The following CNTNAP2 variants were observed in gnomAD, a reference collection of about 807,000 sequenced individuals.
CNTNAP2 encodes contactin-associated protein-like 2.
Under a neutral mutation model 155.2 loss-of-function variants are expected in CNTNAP2, and 98 were observed. The ratio of observed to expected loss-of-function variants is 0.63; its 90% CI spans 0.54 to 0.75. The LOEUF (loss-of-function observed/expected upper bound fraction) is 0.75, where lower values mean the gene tolerates loss of function less well. CNTNAP2 is among the 30% of genes least tolerant of loss of function. The probability of loss-of-function intolerance (pLI) is 0.00; values close to 1 mark genes in which losing one functional copy is unlikely to be tolerated. For synonymous variants in CNTNAP2, 651 were observed against 631.2 expected, an observed-to-expected ratio of 1.03 and a Z score of -0.47; for missense variants, 1,727 against 1,688.1, an observed-to-expected ratio of 1.02 and a Z score of -0.40.
intron 8 of CNTNAP2, among the ~76,000 whole-genome samples, chr7:147,260,806 G>A (rs888191702): frequency 6.6e-5 from 10 of 152,122 alleles, no homozygotes; most frequent in African/African-American, 1.4e-4. Flanking sequence ...TTATGGACGC[G>A]GAAATTCAAT....
intron 10 of CNTNAP2, among the ~76,000 whole-genome samples, chr7:147,413,023 T>A (rs762105536): frequency 5.5e-4 from 84 of 152,232 alleles, no homozygotes; most frequent in Non-Finnish European, 1.0e-3. Flanking sequence ...GAATGGAAAC[T>A]CGTGTCAACT....
In CNTNAP2 at chr7:147,801,100, A is replaced by G. The variant is rs548621000; in HGVS notation, c.2099-102465A>G. Among the ~76,000 whole-genome samples the G allele has an allele frequency of 1.3e-5, 2 of 152,336 alleles. 1 individual carries two copies. The highest frequency in any genetic ancestry group is 4.1e-4 in the South Asian group (2 of 4,828). ...CTGGAAAACAAAATATTTCGTACAA[A>G]GCCTGGGATGTGTGCTCTGTTTATT... On this transcript the variant is annotated intron_variant, in intron 13 of 23. Transcript: ENST00000361727.
chr7:146,402,359 A>G (rs557675144), intron 1 of CNTNAP2, among the ~76,000 whole-genome samples: 1 of 152,232 alleles, frequency 6.6e-6, no homozygotes, highest in Admixed American at 6.5e-5. Context: ...ATTTTTCTCA[A>G]TACAAAAGAG....
intron 21 of CNTNAP2, among the ~76,000 whole-genome samples, chr7:148,338,956 A>G (rs925297809): frequency 1.3e-5 from 2 of 152,230 alleles, no homozygotes; most frequent in Non-Finnish European, 2.9e-5. Flanking sequence ...GAACCCCGAC[A>G]GGAAAATCAG....
At chr7:147,676,863 T>C (rs1203373410) in intron 13 of CNTNAP2, among the ~76,000 whole-genome samples, 1 of 151,978 alleles carries the variant, frequency 6.6e-6, no homozygotes, top group African/African-American at 2.4e-5. Flanking sequence ...CATGGCTGAA[T>C]ATAGTATTCC....
intron 13 of CNTNAP2, among the ~76,000 whole-genome samples, chr7:147,674,480 T>A (rs1795837283): frequency 6.6e-6 from 1 of 152,180 alleles, no homozygotes; most frequent in African/African-American, 2.4e-5. Context: ...CTTTTCCTTA[T>A]AAAGAAAGCT....
chr7:148,168,719 AAAG>A (rs1215278815), intron 17 of CNTNAP2, among the ~76,000 whole-genome samples: 1 of 152,214 alleles, frequency 6.6e-6, no homozygotes. Context: ...TAATTTAAAA[AAAG>A]AAAAATATCT....
At chr7:147,731,744 A>T (rs2116467372) in intron 13 of CNTNAP2, among the ~76,000 whole-genome samples, 1 of 152,134 alleles carries the variant, frequency 6.6e-6, no homozygotes, top group East Asian at 1.9e-4. Context: ...TAAATTTTGA[A>T]ACTACTGGAA....
chr7:147,609,384 A>C (rs1191931249), intron 12 of CNTNAP2, among the ~76,000 whole-genome samples: 2 of 152,116 alleles, frequency 1.3e-5, no homozygotes, highest in African/African-American at 2.4e-5. Context: ...ACAAAAAATT[A>C]GCCAGGCATG....
chr7:147,606,262 A>G (rs1801061717), intron 12 of CNTNAP2, among the ~76,000 whole-genome samples: 1 of 152,200 alleles, frequency 6.6e-6, no homozygotes, highest in Non-Finnish European at 1.5e-5. Context: ...TAAATGAATC[A>G]CCTTAGTGTT....
At chr7:146,537,703 G>A (rs149796448) in intron 1 of CNTNAP2, among the ~76,000 whole-genome samples, 4 of 152,164 alleles carry the variant, frequency 2.6e-5, no homozygotes, top group African/African-American at 9.6e-5. Flanking sequence ...ATTGTTCCCT[G>A]GGACAGTGAG....
chr7:147,124,083 A>T (rs1342230050), intron 6 of CNTNAP2, among the ~76,000 whole-genome samples: 1 of 152,118 alleles, frequency 6.6e-6, no homozygotes, highest in Non-Finnish European at 1.5e-5. Context: ...CACGGACTGT[A>T]TTAGAGTCAG....
chr7:147,770,714 GA>G (rs1163924618), intron 13 of CNTNAP2, among the ~76,000 whole-genome samples: 3 of 152,084 alleles, frequency 2.0e-5, no homozygotes, highest in African/African-American at 7.2e-5. Context: ...ATAAAAGATC[GA>G]AATAAATAGA....
intron 1 of CNTNAP2, among the ~76,000 whole-genome samples, chr7:146,333,631 A>C (rs1462294354): frequency 6.6e-6 from 1 of 152,238 alleles, no homozygotes; most frequent in Admixed American, 6.5e-5. Flanking sequence ...TATTAATATC[A>C]GTTAAGGAGT....
At chr7:147,207,329 T>C (rs1162160455) in intron 8 of CNTNAP2, among the ~76,000 whole-genome samples, 2 of 152,144 alleles carry the variant, frequency 1.3e-5, no homozygotes, top group East Asian at 3.8e-4. Context: ...TACATTGGAG[T>C]ATTCATTTGA....
intron 18 of CNTNAP2, among the ~76,000 whole-genome samples, chr7:148,210,080 G>T (rs992665971): frequency 1.3e-5 from 2 of 152,198 alleles, no homozygotes; most frequent in African/African-American, 4.8e-5. Context: ...TTGAAAGAAT[G>T]GATTAAAAAG....
chr7:147,707,984 T>C (rs1291621904), intron 13 of CNTNAP2, among the ~76,000 whole-genome samples: 2 of 151,904 alleles, frequency 1.3e-5, no homozygotes, highest in Non-Finnish European at 2.9e-5. Context: ...TGTCTGGACA[T>C]AGAGTGGGGG....
At chr7:148,221,787 A>AGTG (rs1348688939) in intron 19 of CNTNAP2, among the ~76,000 whole-genome samples, 1 of 152,152 alleles carries the variant, frequency 6.6e-6, no homozygotes, top group Non-Finnish European at 1.5e-5. Context: ...TCCCAAGGTC[A>AGTG]GTGTCACTCA....
chr7:147,598,363 T>G (rs1043996892), intron 12 of CNTNAP2, among the ~76,000 whole-genome samples: 2 of 152,194 alleles, frequency 1.3e-5, no homozygotes, highest in Non-Finnish European at 2.9e-5. Flanking sequence ...CCCTGGTGTG[T>G]GATGTTCCCT....
Sources: allele counts gnomAD v4.1 joint callset (sites outside exome capture counted in the v4.1 genomes callset), GRCh38; gene constraint gnomAD v4.1.1; transcripts MANE v1.5; gene names NCBI Gene and HGNC (gene_info 2026-07-23, HGNC 2026-07-21).